Variants in CRACD observed in about 807,000 individuals in gnomAD.
The protein encoded by CRACD is capping protein inhibiting regulator of actin dynamics.
A neutral mutation model predicts 106.8 loss-of-function variants in CRACD; 56 were observed. The ratio of observed to expected loss-of-function variants is 0.52; its 90% CI spans 0.42 to 0.66. The LOEUF (loss-of-function observed/expected upper bound fraction) is 0.66. Among genes scored for constraint, CRACD ranks in the 30% least tolerant of loss-of-function variants. The probability of loss-of-function intolerance (pLI) is 0.00; values close to 1 mark genes in which losing one functional copy is unlikely to be tolerated. For missense variants in CRACD, 1,730 were observed against 1,623.2 expected, an observed-to-expected ratio of 1.07 and a Z score of -1.13; for synonymous variants, 754 against 670.8, an observed-to-expected ratio of 1.12 and a Z score of -1.92.
In CRACD at chr4:56,330,261, T is replaced by A. The variant is rs1304557278; in HGVS notation, c.*2457T>A. Among the ~76,000 whole-genome samples, 1 of 152,078 alleles carries A rather than the reference T, an allele frequency of 6.6e-6. No individual in the cohort carries two copies. The highest frequency in any genetic ancestry group is 1.5e-5 in the Non-Finnish European group (1 of 68,000). On this transcript the variant is annotated 3_prime_UTR_variant, in exon 11 of 11. Transcript: ENST00000682029. ...GTTATAGATGATTAACCTCTGTTCA[T>A]AGACTTATATATAAAACTAGAGGGT...
chr4:56,095,663 G>A (rs1051547221), intron 1 of CRACD, among the ~76,000 whole-genome samples: 4 of 152,140 alleles, frequency 2.6e-5, no homozygotes, highest in African/African-American at 9.7e-5. Flanking sequence ...TAGAAGATGA[G>A]GTAACCTGGT....
chr4:56,265,163 G>A (rs1359538426), intron 2 of CRACD, among the ~76,000 whole-genome samples: 2 of 152,200 alleles, frequency 1.3e-5, no homozygotes, highest in African/African-American at 2.4e-5. Flanking sequence ...ACTTGTGCAT[G>A]CCAGTGTGTG....
intron 1 of CRACD, among the ~76,000 whole-genome samples, chr4:56,069,239 G>A (rs1292013143): frequency 3.3e-5 from 5 of 152,226 alleles, no homozygotes; most frequent in Non-Finnish European, 7.3e-5. Context: ...TGGTCACGTG[G>A]CATTGCAGCC....
At chr4:56,308,945 T>C in intron 5 of CRACD, 1 of 1,280,920 alleles carries the variant, frequency 7.8e-7, no homozygotes, top group South Asian at 1.2e-5. Flanking sequence ...GATATGGGTA[T>C]TACAGAGGTG....
rs772742029 is a variant in CRACD, at chr4:56,327,817, A to T, written c.*13A>T. On this transcript the variant is annotated 3_prime_UTR_variant, in exon 11 of 11. Coordinates refer to ENST00000682029, the MANE Select transcript of CRACD (RefSeq NM_001393381.1). ...GATTATTAAGTAAAGAGTGACTCTC[A>T]CCCATCCCTACTGCCAGTTATTGGC... is the stretch of plus-strand genomic sequence containing the variant. The T allele has an allele frequency of 8.7e-6, 14 of 1,605,440 alleles. No homozygotes were observed. The South Asian group carries it at 1.6e-4, about 18-fold the overall frequency.
At chr4:56,244,241 A>G (rs1043171844) in intron 2 of CRACD, among the ~76,000 whole-genome samples, 20 of 152,052 alleles carry the variant, frequency 1.3e-4, no homozygotes, top group African/African-American at 4.8e-4. Context: ...CAGGGTTCAT[A>G]TGCTGGCAAT....
chr4:56,170,158 GA>G (rs775225532), intron 1 of CRACD: 10 of 152,306 alleles, frequency 6.6e-5, no homozygotes, highest in Admixed American at 5.2e-4. Context: ...AAACACAGAG[GA>G]CCCTTCACTT....
chr4:56,130,194 C>G (rs1455425016), intron 1 of CRACD, among the ~76,000 whole-genome samples: 1 of 152,022 alleles, frequency 6.6e-6, no homozygotes, highest in Non-Finnish European at 1.5e-5. Context: ...TTGCTTGAGC[C>G]CAGGAGGTTG....
rs750071087 is a variant in CRACD at position 56,316,248 on chromosome 4, A to T, written c.2746A>T (p.Thr916Ser). ...CCAAGAGCGGAAGCAAGCCCCTTCC[A>T]CCCGGAGGGACTCCGCTGAACCTTC... ...LPQERKQAPS[T>S]RRDSAEPSSS... is the part of the protein sequence containing the mutation. The change falls in exon 8 of 11, where the codon ACC becomes TCC. Residue 916 changes from threonine (T) to serine (S), a missense_variant. Transcript: ENST00000682029. 1 of 1,613,816 alleles carries T rather than the reference A, an allele frequency of 6.2e-7. No homozygotes were observed. Among genetic ancestry groups the T allele is most frequent in the Non-Finnish European group, 8.5e-7 (1 of 1,179,786 alleles).
Position 56,053,340 on chromosome 4 carries a change from C to T in CRACD, c.-336+4041C>T, listed in dbSNP as rs537892186. Among the ~76,000 whole-genome samples the T allele has an allele frequency of 5.9e-5, 9 of 152,134 alleles. No homozygotes were observed. The South Asian group carries it at 1.7e-3, about 28-fold the overall frequency. Reference sequence around the variant, plus strand: ...TTTTTTGGTTTTTCAGTTCTTTACACGTTTCCTATGTGTATTTGTAGCAGT... The same window carrying T: ...TTTTTTGGTTTTTCAGTTCTTTACATGTTTCCTATGTGTATTTGTAGCAGT... On this transcript the variant is annotated intron_variant, in intron 1 of 10. Coordinates refer to ENST00000682029, the MANE Select transcript of CRACD (RefSeq NM_001393381.1).
intron 1 of CRACD, among the ~76,000 whole-genome samples, chr4:56,144,781 G>T (rs1735322601): frequency 6.6e-6 from 1 of 151,816 alleles, no homozygotes; most frequent in South Asian, 2.1e-4. Flanking sequence ...CAGCCCCCCA[G>T]TAGCTGGGAT....
intron 1 of CRACD, among the ~76,000 whole-genome samples, chr4:56,147,722 T>A (rs1481693816): frequency 6.6e-6 from 1 of 152,230 alleles, no homozygotes; most frequent in East Asian, 1.9e-4. Context: ...GCAGACTGTT[T>A]TCCAAAGTTT....
chr4:56,050,314 G>GTT, intron 1 of CRACD, among the ~76,000 whole-genome samples: 1 of 138,400 alleles, frequency 7.2e-6, no homozygotes, highest in East Asian at 2.0e-4. Flanking sequence ...GTGTGTGTGT[G>GTT]TATTGGGGGT....
chr4:56,324,328 T>C (rs1746297533), intron 10 of CRACD, 62 bp downstream of exon 10: 2 of 1,508,764 alleles, frequency 1.3e-6, no homozygotes, highest in African/African-American at 2.7e-5. Flanking sequence ...AGAGCGTGCT[T>C]TATATCCTAC....
intron 1 of CRACD, among the ~76,000 whole-genome samples, chr4:56,080,176 C>T (rs1181372257): frequency 6.6e-6 from 1 of 151,848 alleles, no homozygotes; most frequent in African/African-American, 2.4e-5. Context: ...GAGCCTGTCT[C>T]TAAAAGTAAA....
At position 56,315,402 on chromosome 4, in the gene CRACD, G is replaced by A; in HGVS notation, c.1900G>A (p.Ala634Thr). The A allele has an allele frequency of 6.8e-6, 11 of 1,613,010 alleles. No individual in the cohort carries two copies. The highest frequency in any genetic ancestry group is 9.3e-6 in the Non-Finnish European group (11 of 1,179,744). ...LEEKKHAEAP[A>T]GENPPRGPGD... ...GGAGAAGAAGCACGCGGAAGCCCCAGCTGGGGAGAACCCTCCCCGAGGCCC... is the reference window on the plus strand; with the variant it reads ...GGAGAAGAAGCACGCGGAAGCCCCAACTGGGGAGAACCCTCCCCGAGGCCC... Residue 634 changes from alanine to threonine, a missense_variant, in exon 8 of 11, where the codon GCT becomes ACT. This residue lies in a region of CRACD where 1,620 missense variants were observed against 1,481.6 expected (regional missense o/e 1.09). Coordinates refer to ENST00000682029, the MANE Select transcript of CRACD (RefSeq NM_001393381.1). This position sits in a 1 kb window ranked among gnomAD's most constrained non-coding sequence, Gnocchi z 4.1.
At chr4:56,069,090 C>T (rs1004996010) in intron 1 of CRACD, among the ~76,000 whole-genome samples, 6 of 152,082 alleles carry the variant, frequency 3.9e-5, no homozygotes, top group Admixed American at 1.3e-4. Context: ...CCAGGAGCCG[C>T]GGGATGTGGA....
At chr4:56,239,540 G>T (rs1740236782) in intron 2 of CRACD, among the ~76,000 whole-genome samples, 1 of 151,872 alleles carries the variant, frequency 6.6e-6, no homozygotes, top group African/African-American at 2.4e-5. Flanking sequence ...GATACAGAGA[G>T]CCATCAAAAC....
intron 1 of CRACD, among the ~76,000 whole-genome samples, chr4:56,127,062 GCGGAGCCC>G (rs1182822791): frequency 7.2e-5 from 11 of 152,164 alleles, no homozygotes; most frequent in African/African-American, 2.7e-4. Context: ...AACTTGGGAG[GCGGAGCCC>G]TCATGAGTAG....
Sources: gnomAD v4.1 joint callset for allele counts (sites outside exome capture counted in the v4.1 genomes callset) on GRCh38, gnomAD v4.1.1 for gene constraint, gnomAD v4.1.1 regional missense constraint, Gnocchi (gnomAD v3.1) non-coding constraint, MANE v1.5 for transcripts, NCBI Gene and HGNC (gene_info 2026-07-23, HGNC 2026-07-21) for gene names.